The following RETREG1 variants were observed in gnomAD, a reference collection of about 807,000 sequenced individuals.
RETREG1 encodes family with sequence similarity 134 member B.
Under a neutral mutation model 54.8 loss-of-function variants are expected in RETREG1, and 44 were observed. The observed-to-expected ratio is 0.80, with a 90% CI of 0.63 to 1.03. The LOEUF (loss-of-function observed/expected upper bound fraction) is 1.03. Ranked by LOEUF, RETREG1 falls within the 50% of genes least tolerant of loss-of-function variation. The probability of loss-of-function intolerance (pLI) is 0.00; values close to 1 mark genes in which losing one functional copy is unlikely to be tolerated. For missense variants in RETREG1, 554 were observed against 605.1 expected, an observed-to-expected ratio of 0.92 and a Z score of 0.89; for synonymous variants, 217 against 238.5, an observed-to-expected ratio of 0.91 and a Z score of 0.83.
rs115706893 is a variant in RETREG1, at chr5:16,505,827, C to T, written c.459-22355G>A. ...ACCCTGTCTGCTATCCTAGTCGCTG[C>T]CCCCATTGTTCTTTCCTTCTTCTCT... On this transcript the variant is annotated intron_variant, in intron 3 of 8. Transcript: ENST00000306320. 6.1e-3 allele frequency among the ~76,000 whole-genome samples: 927 copies of T among 152,312 alleles called. 10 individuals are homozygous for T. The highest frequency in any genetic ancestry group is 0.021 in the African/African-American group (892 of 41,558).
rs1273811638 is a variant in RETREG1, at chr5:16,585,465, T to C, written c.321-13363A>G. On this transcript the variant is annotated intron_variant, in intron 1 of 8. Transcript: ENST00000306320. The surrounding 1 kb of genome is among the most constrained non-coding windows in gnomAD (Gnocchi z 4.5). Reference sequence around the variant, plus strand: ...TCAAGTCAGGGGCACCCTAGGGCAGTGCAATGTGCTCCTTAGCTCCACCTA... The same window carrying C: ...TCAAGTCAGGGGCACCCTAGGGCAGCGCAATGTGCTCCTTAGCTCCACCTA... Among the ~76,000 whole-genome samples the C allele has an allele frequency of 2.0e-5, 3 of 152,122 alleles. No homozygotes were observed. The highest frequency in any genetic ancestry group is 7.2e-5 in the African/African-American group (3 of 41,412).
chr5:16,480,596 C>T (rs961262443), intron 5 of RETREG1, among the ~76,000 whole-genome samples: 8 of 152,094 alleles, frequency 5.3e-5, no homozygotes, highest in Non-Finnish European at 8.8e-5. Flanking sequence ...TGCTCTGCAT[C>T]CCTCCTAATA....
chr5:16,542,774 A>G (rs138809693), intron 3 of RETREG1, among the ~76,000 whole-genome samples: 1 of 152,234 alleles, frequency 6.6e-6, no homozygotes, highest in South Asian at 2.1e-4. Flanking sequence ...TCTTAACAGA[A>G]CAGCCACTAC....
intron 3 of RETREG1, among the ~76,000 whole-genome samples, chr5:16,492,229 T>TCTCTCACACACACACA (rs1406702350): frequency 1.8e-5 from 2 of 110,570 alleles, no homozygotes; most frequent in African/African-American, 6.2e-5. Context: ...TCTCTCTCTC[T>TCTCTCACACACACACA]CACACACACA....
intron 1 of RETREG1, among the ~76,000 whole-genome samples, chr5:16,595,098 C>T (rs762710942): frequency 1.3e-5 from 2 of 152,166 alleles, no homozygotes; most frequent in Non-Finnish European, 2.9e-5. Flanking sequence ...TCATAAGTAA[C>T]TGAGCCCCAG....
At position 16,527,800 on chromosome 5, in the gene RETREG1, A is replaced by ATTT. The variant is rs386403108; in HGVS notation, c.458+37960_458+37962dup. Among the ~76,000 whole-genome samples, 191 of 66,238 alleles carry ATTT rather than the reference A, an allele frequency of 2.9e-3. 33 individuals are homozygous for ATTT. The highest frequency in any genetic ancestry group is 6.0e-3 in the African/African-American group (103 of 17,142). 43.5% of individuals were successfully genotyped at this position (66,238 alleles called of 152,430 possible). On this transcript the variant is annotated intron_variant, in intron 3 of 8. Transcript: ENST00000306320. ...CTTAGTACAATTTCGAGGGACTCTA[A>ATTT]TTTTTTTTTTTTTTTTTTTTTTTTT...
At chr5:16,475,333 C>A in intron 8 of RETREG1, 99 bp from the exon 9 acceptor site, 1 of 1,385,492 alleles carries the variant, frequency 7.2e-7, no homozygotes, top group African/African-American at 1.4e-5. Context: ...AACCCTCTGG[C>A]AACCTTGGCA....
intron 3 of RETREG1, among the ~76,000 whole-genome samples, chr5:16,521,592 A>T (rs921458041): frequency 6.6e-6 from 1 of 152,250 alleles, no homozygotes; most frequent in Non-Finnish European, 1.5e-5. Context: ...TCCACACACC[A>T]TAGAGACAGA....
rs549734804 is a variant in RETREG1 at position 16,585,115 on chromosome 5, A to G, written c.321-13013T>C. On this transcript the variant is annotated intron_variant, in intron 1 of 8. Coordinates refer to ENST00000306320, the MANE Select transcript of RETREG1 (RefSeq NM_001034850.3). The surrounding 1 kb of genome is among the most constrained non-coding windows in gnomAD (Gnocchi z 4.5). ...TGAGAAATTCTGGAAGATATCAATC[A>G]CAGGGAAATGGTGGGTAGTAACAAT... 6.6e-6 allele frequency among the ~76,000 whole-genome samples: 1 copy of G among 152,310 alleles called. No homozygotes were observed. The highest frequency in any genetic ancestry group is 1.5e-5 in the Non-Finnish European group (1 of 68,034).
At chr5:16,553,464 C>A (rs1741600538) in intron 3 of RETREG1, among the ~76,000 whole-genome samples, 1 of 151,758 alleles carries the variant, frequency 6.6e-6, no homozygotes. Flanking sequence ...TAAATATATA[C>A]ATGTTTATAT....
chr5:16,607,423 G>A (rs927328337), intron 1 of RETREG1, among the ~76,000 whole-genome samples: 4 of 151,962 alleles, frequency 2.6e-5, no homozygotes, highest in African/African-American at 7.3e-5. Context: ...AGATTATCCC[G>A]GCCAACATGG....
rs185541467 is a variant in RETREG1 at position 16,486,574 on chromosome 5, G to T, written c.459-3102C>A. Reference sequence around the variant, plus strand: ...GGAACGTGAAATCCAACTTTTTGCAGCTAGTATGAGGCAGAGCCAAGACCC... The same window carrying T: ...GGAACGTGAAATCCAACTTTTTGCATCTAGTATGAGGCAGAGCCAAGACCC... On this transcript the variant is annotated intron_variant, in intron 3 of 8. Coordinates refer to ENST00000306320, the MANE Select transcript of RETREG1 (RefSeq NM_001034850.3). Among the ~76,000 whole-genome samples the T allele has an allele frequency of 6.0e-3, 910 of 152,248 alleles. 11 individuals carry two copies. Among genetic ancestry groups the T allele is most frequent in the African/African-American group, 0.021 (872 of 41,526 alleles).
At chr5:16,475,736 C>A (rs1738512618) in intron 8 of RETREG1, among the ~76,000 whole-genome samples, 1 of 152,066 alleles carries the variant, frequency 6.6e-6, no homozygotes, top group South Asian at 2.1e-4. Context: ...TTGTTTTAAG[C>A]AATGAAAGGA....
intron 3 of RETREG1, among the ~76,000 whole-genome samples, chr5:16,511,104 TACAG>T (rs1240007848): frequency 1.3e-5 from 2 of 152,212 alleles, no homozygotes; most frequent in Non-Finnish European, 2.9e-5. Flanking sequence ...TATTTACCAT[TACAG>T]ACAGTCCCCA....
At chr5:16,502,952 C>G (rs1739777590) in intron 3 of RETREG1, among the ~76,000 whole-genome samples, 1 of 152,336 alleles carries the variant, frequency 6.6e-6, no homozygotes, top group Middle Eastern at 3.4e-3. Flanking sequence ...CACAATTAGG[C>G]TTTTGTCCTG....
chr5:16,546,457 T>C (rs1179740424), intron 3 of RETREG1, among the ~76,000 whole-genome samples: 1 of 152,322 alleles, frequency 6.6e-6, no homozygotes, highest in Admixed American at 6.5e-5. Flanking sequence ...CACGAGCCAA[T>C]GCACTGGGCC....
At chr5:16,534,177 T>A (rs1740991874) in intron 3 of RETREG1, among the ~76,000 whole-genome samples, 1 of 151,916 alleles carries the variant, frequency 6.6e-6, no homozygotes, top group Admixed American at 6.6e-5. Context: ...TGGCCGGGCA[T>A]GGTGGCTCAC....
intron 1 of RETREG1, among the ~76,000 whole-genome samples, chr5:16,581,526 AACACAC>A (rs3993834): frequency 0.25 from 36,437 of 143,524 alleles, 4,593 homozygotes; most frequent in East Asian, 0.4. Context: ...TCAGAAACAC[AACACAC>A]ACACACACAC....
chr5:16,475,214 C>G lies in RETREG1; in HGVS notation c.1021G>C (p.Glu341Gln). 1 of 1,613,044 alleles carries G rather than the reference C, an allele frequency of 6.2e-7. No homozygotes were observed. The highest frequency in any genetic ancestry group is 8.5e-7 in the Non-Finnish European group (1 of 1,179,822). ...TCTGAAAGATCTCTAGAGAAAACTT[C>G]CTCACTGGGTCGGTCAAGATCTGTG... ...TSDDLDRPSE[E>Q]VFSRDLSDFP... The change falls in exon 9 of 9, where the codon GAA (glutamate) becomes CAA (glutamine). Residue 341 changes from glutamate to glutamine, a missense_variant. Glu to Gln is a conservative substitution (Grantham distance 29). This residue lies in a region of RETREG1 where 347 missense variants were observed against 412.3 expected (regional missense o/e 0.84). Coordinates refer to ENST00000306320, the MANE Select transcript of RETREG1 (RefSeq NM_001034850.3).
Sources: gnomAD v4.1 joint callset for allele counts (sites outside exome capture counted in the v4.1 genomes callset) on GRCh38, gnomAD v4.1.1 for gene constraint, gnomAD v4.1.1 regional missense constraint, Gnocchi (gnomAD v3.1) non-coding constraint, MANE v1.5 for transcripts, NCBI Gene and HGNC (gene_info 2026-07-23, HGNC 2026-07-21) for gene names.